ATP9B: variants seen among roughly 807,000 people sequenced by gnomAD.
The protein encoded by ATP9B is ATPase phospholipid transporting 9B, also known as probable phospholipid-transporting ATPase IIB.
Under a neutral mutation model 146.1 loss-of-function variants are expected in ATP9B, and 110 were observed. The ratio of observed to expected loss-of-function variants is 0.75; its 90% CI spans 0.65 to 0.88. The LOEUF (loss-of-function observed/expected upper bound fraction) is 0.88. ATP9B is among the 40% of genes least tolerant of loss of function. ATP9B has a pLI of 0.00. For synonymous variants in ATP9B, 604 were observed against 569.7 expected, an observed-to-expected ratio of 1.06 and a Z score of -0.86; for missense variants, 1,499 against 1,496.4, an observed-to-expected ratio of 1.00 and a Z score of -0.03.
intron 5 of ATP9B, among the ~76,000 whole-genome samples, chr18:79,138,836 A>C (rs1299982179): frequency 1.2e-5 from 1 of 85,504 alleles, no homozygotes; most frequent in Admixed American, 1.1e-4. Flanking sequence ...TCATAGACTG[A>C]TGTGGGTGGA....
At chr18:79,222,157 C>A (rs1403815320) in intron 11 of ATP9B, among the ~76,000 whole-genome samples, 1 of 151,848 alleles carries the variant, frequency 6.6e-6, no homozygotes, top group Non-Finnish European at 1.5e-5. Flanking sequence ...CAGGCAGAGA[C>A]CACCAGCCTG....
chr18:79,258,118 T>C (rs940004962), intron 12 of ATP9B, among the ~76,000 whole-genome samples: 1 of 152,228 alleles, frequency 6.6e-6, no homozygotes, highest in African/African-American at 2.4e-5. Flanking sequence ...CAATAAGCAT[T>C]TTTTAACTAA....
chr18:79,369,449 C>T (rs1212858059), intron 26 of ATP9B, among the ~76,000 whole-genome samples: 3 of 146,746 alleles, frequency 2.0e-5, no homozygotes, highest in Non-Finnish European at 4.4e-5. Context: ...AGGAGAATGG[C>T]GTGAACCCGG....
Position 79,369,214 on chromosome 18 carries a change from C to T in ATP9B, c.3013-3611C>T, listed in dbSNP as rs534232226. 7.3e-4 allele frequency among the ~76,000 whole-genome samples: 111 copies of T among 151,730 alleles called. 1 individual carries two copies. The highest frequency in any genetic ancestry group is 1.9e-4 in the Non-Finnish European group (13 of 67,890). On this transcript the variant is annotated intron_variant, in intron 26 of 29. Coordinates refer to ENST00000426216, the MANE Select transcript of ATP9B (RefSeq NM_198531.5). ...GAGATCGAGACCATCCTGGCCAACA[C>T]CGTAAAACCCCGTCTCTACTAAAAA... is the stretch of plus-strand genomic sequence containing the variant.
intron 7 of ATP9B, among the ~76,000 whole-genome samples, chr18:79,175,002 C>T (rs1050207817): frequency 6.6e-6 from 1 of 151,856 alleles, no homozygotes; most frequent in African/African-American, 2.4e-5. Flanking sequence ...AGATCGAGAC[C>T]ATCCTGGCCA....
intron 26 of ATP9B, chr18:79,362,899 C>G (rs752179839): frequency 6.6e-6 from 1 of 152,144 alleles, no homozygotes; most frequent in African/African-American, 2.4e-5. Flanking sequence ...CCATTCGGAC[C>G]CCTTCACTAA....
At position 79,339,425 on chromosome 18, in the gene ATP9B, A is replaced by G. The variant is rs116477092; in HGVS notation, c.2283+1976A>G. On this transcript the variant is annotated intron_variant, in intron 19 of 29. Transcript: ENST00000426216. Reference sequence around the variant, plus strand: ...GCAGTAGGAAGTATGTCATCGCAGTAGGAAGTATGTCATCGCAGTAGGAAG... The same window carrying G: ...GCAGTAGGAAGTATGTCATCGCAGTGGGAAGTATGTCATCGCAGTAGGAAG... Among the ~76,000 whole-genome samples, 386 of 151,048 alleles carry G rather than the reference A, an allele frequency of 2.6e-3. 2 individuals carry two copies. Among genetic ancestry groups the G allele is most frequent in the African/African-American group, 9.0e-3 (370 of 40,960 alleles).
chr18:79,122,376 T>C (rs1228619439), intron 4 of ATP9B, among the ~76,000 whole-genome samples: 2 of 152,180 alleles, frequency 1.3e-5, no homozygotes, highest in Non-Finnish European at 2.9e-5. Flanking sequence ...TGCATATTTT[T>C]CATGTTACTA....
At chr18:79,350,354 G>C (rs1397482662) in intron 25 of ATP9B, among the ~76,000 whole-genome samples, 1 of 152,248 alleles carries the variant, frequency 6.6e-6, no homozygotes, top group Non-Finnish European at 1.5e-5. Context: ...GCCCCTGCCT[G>C]CTGTAATCAC....
chr18:79,309,611 T>G (rs1263040895), intron 15 of ATP9B, among the ~76,000 whole-genome samples: 56 of 104,416 alleles, frequency 5.4e-4, no homozygotes, highest in African/African-American at 1.8e-3. Context: ...GGTCAGGGGC[T>G]GAGGAGTGAT....
At chr18:79,256,284 T>TATATATATATATATATATACATATAC (rs1217998447) in intron 12 of ATP9B, among the ~76,000 whole-genome samples, 16 of 122,896 alleles carry the variant, frequency 1.3e-4, no homozygotes, top group Non-Finnish European at 2.2e-4. Flanking sequence ...TATATATATA[T>TATATATATATATATATATACATATAC]ATACATACAT....
intron 1 of ATP9B, among the ~76,000 whole-genome samples, chr18:79,083,250 C>G (rs1245498705): frequency 6.6e-6 from 1 of 152,192 alleles, no homozygotes; most frequent in African/African-American, 2.4e-5. Flanking sequence ...GCAGACGCCC[C>G]TTGCCCCACC....
intron 23 of ATP9B, among the ~76,000 whole-genome samples, chr18:79,347,094 C>G (rs770601589): frequency 6.6e-6 from 1 of 152,214 alleles, no homozygotes; most frequent in South Asian, 2.1e-4. Context: ...TCCTGTTTTC[C>G]ACGCACCATT....
At chr18:79,293,642 T>A (rs1167268880) in intron 13 of ATP9B, among the ~76,000 whole-genome samples, 4 of 152,224 alleles carry the variant, frequency 2.6e-5, no homozygotes, top group African/African-American at 9.6e-5. Flanking sequence ...AGCAATAAAT[T>A]CCTTTTTAAA....
chr18:79,183,943 T>C (rs1030218971), intron 8 of ATP9B, among the ~76,000 whole-genome samples: 3 of 152,186 alleles, frequency 2.0e-5, no homozygotes, highest in African/African-American at 7.2e-5. Flanking sequence ...CGTATCTGTT[T>C]CTCCATAACT....
chr18:79,245,035 C>T (rs2095929725), intron 11 of ATP9B, among the ~76,000 whole-genome samples: 1 of 152,196 alleles, frequency 6.6e-6, no homozygotes, highest in South Asian at 2.1e-4. Flanking sequence ...AGTCAGAACT[C>T]CTGGGCTCCT....
In ATP9B at chr18:79,344,334, A is replaced by G. The variant is rs878958837; in HGVS notation, c.2452A>G (p.Ile818Val). ...AAGGAAGCATGATTGTGCACTAGTC[A>G]TATCTGGGGACTCTCTGGAGGTAAG... ...FRRKHDCALV[I>V]SGDSLEVCLK... Residue 818 changes from isoleucine to valine, a missense_variant, in exon 21 of 30, where the codon ATA becomes GTA. Transcript: ENST00000426216. 4.3e-6 allele frequency: 7 copies of G among 1,614,196 alleles called. No homozygotes were observed. Among genetic ancestry groups the G allele is most frequent in the South Asian group, 2.2e-5 (2 of 91,082 alleles).
At chr18:79,293,500 G>T (rs1373420073) in intron 13 of ATP9B, among the ~76,000 whole-genome samples, 1 of 152,068 alleles carries the variant, frequency 6.6e-6, no homozygotes, top group African/African-American at 2.4e-5. Context: ...AGCCACTTTG[G>T]CCCTCTTGAG....
chr18:79,133,415 A>G (rs920239495), intron 5 of ATP9B, among the ~76,000 whole-genome samples: 9 of 152,148 alleles, frequency 5.9e-5, no homozygotes, highest in African/African-American at 2.2e-4. Flanking sequence ...ATGATATTTC[A>G]TGAACACCTT....
Sources: gnomAD v4.1 joint callset for allele counts (sites outside exome capture counted in the v4.1 genomes callset) on GRCh38, gnomAD v4.1.1 for gene constraint, MANE v1.5 for transcripts, NCBI Gene and HGNC (gene_info 2026-07-23, HGNC 2026-07-21) for gene names.